Variants in GOT1 observed in about 807,000 individuals in gnomAD.
GOT1 encodes aspartate aminotransferase, cytoplasmic.
In GOT1, 25 loss-of-function variants were observed where a neutral mutation model predicts 48.2. That is an observed-to-expected ratio of 0.52 (90% CI 0.38 to 0.72). GOT1 has a LOEUF of 0.72. Ranked by LOEUF, GOT1 falls within the 30% of genes least tolerant of loss-of-function variation. The probability of loss-of-function intolerance (pLI) is 0.00; values close to 1 mark genes in which losing one functional copy is unlikely to be tolerated. For missense variants in GOT1, 380 were observed against 520.1 expected (o/e 0.73, Z 2.62); for synonymous variants, 188 against 193.8 (o/e 0.97, Z 0.25).
chr10:99,409,423 G>T (rs1342807035), intron 2 of GOT1, among the ~76,000 whole-genome samples: 5 of 152,096 alleles, frequency 3.3e-5, no homozygotes, highest in African/African-American at 1.2e-4. Flanking sequence ...GAGCCACCAC[G>T]CCTGGCCAAT....
At chr10:99,419,852 C>T (rs1486613427) in intron 2 of GOT1, among the ~76,000 whole-genome samples, 4 of 152,158 alleles carry the variant, frequency 2.6e-5, no homozygotes. Context: ...GTCTCCCTCC[C>T]CTCTGAATTC....
chr10:99,405,389 G>C (rs1473442973), intron 5 of GOT1, among the ~76,000 whole-genome samples: 6 of 152,026 alleles, frequency 3.9e-5, no homozygotes, highest in Admixed American at 2.6e-4. Context: ...ATATAATATA[G>C]CTATGAAAAA....
At chr10:99,423,938 G>C (rs2033004031) in intron 1 of GOT1, among the ~76,000 whole-genome samples, 1 of 151,970 alleles carries the variant, frequency 6.6e-6, no homozygotes, top group Non-Finnish European at 1.5e-5. Context: ...TTACAGGAGT[G>C]AGCCACCATG....
intron 5 of GOT1, 53 bp from the exon 6 acceptor site, chr10:99,403,927 A>G (rs2032719878): frequency 6.3e-7 from 1 of 1,581,472 alleles, no homozygotes; most frequent in African/African-American, 1.3e-5. Context: ...CACCAACCTC[A>G]GACACCGGCC....
intron 2 of GOT1, among the ~76,000 whole-genome samples, chr10:99,407,783 T>TTTTATTTATTTATTTA (rs10629267): frequency 2.7e-5 from 4 of 148,688 alleles, no homozygotes; most frequent in South Asian, 4.3e-4. Context: ...AAAAGCCATA[T>TTTTATTTATTTATTTA]TTTATTTATT....
At chr10:99,400,449 C>T (rs2032657675) in intron 8 of GOT1, among the ~76,000 whole-genome samples, 1 of 151,768 alleles carries the variant, frequency 6.6e-6, no homozygotes, top group Admixed American at 6.6e-5. Context: ...AGTTTGAGAC[C>T]AGCCTGAGCA....
intron 2 of GOT1, among the ~76,000 whole-genome samples, chr10:99,413,636 T>A (rs1258998430): frequency 6.6e-6 from 1 of 152,062 alleles, no homozygotes; most frequent in Non-Finnish European, 1.5e-5. Context: ...GACACATAAT[T>A]GTCAGATTCA....
intron 8 of GOT1, among the ~76,000 whole-genome samples, chr10:99,400,195 C>T (rs765697494): frequency 3.9e-5 from 6 of 152,240 alleles, no homozygotes; most frequent in Non-Finnish European, 7.3e-5. Context: ...AGGGGCTTCA[C>T]AGTTCTCCTA....
chr10:99,418,494 C>CTTTTTTTTTTTT (rs11394746), intron 2 of GOT1, among the ~76,000 whole-genome samples: 2 of 140,614 alleles, frequency 1.4e-5, no homozygotes, highest in Admixed American at 7.1e-5. Flanking sequence ...TCCCCACTTT[C>CTTTTTTTTTTTT]TTTTTTTTTT....
chr10:99,397,697 C>T lies in GOT1; in HGVS notation c.1103-11G>A. On this transcript the variant is annotated splice_polypyrimidine_tract_variant and intron_variant, in intron 8 of 8. Coordinates refer to ENST00000370508, the MANE Select transcript of GOT1 (RefSeq NM_002079.3). The surrounding 1 kb of genome is among the most constrained non-coding windows in gnomAD (Gnocchi z 5.4). ...ACTCAACCTGCTTGGCTGTTGAAAA[C>T]CAAAAGAAGACATAATCAGAGCAGA... 1 of 1,613,640 alleles carries T rather than the reference C, an allele frequency of 6.2e-7. No homozygotes were observed. The highest frequency in any genetic ancestry group is 1.1e-5 in the South Asian group (1 of 91,054).
chr10:99,407,701 G>A (rs1471590167), intron 2 of GOT1, among the ~76,000 whole-genome samples: 1 of 151,942 alleles, frequency 6.6e-6, no homozygotes, highest in Non-Finnish European at 1.5e-5. Context: ...CAAACTGCTG[G>A]GATTACAGGT....
At chr10:99,407,169 C>G (rs1206985598) in intron 2 of GOT1, among the ~76,000 whole-genome samples, 1 of 134,712 alleles carries the variant, frequency 7.4e-6, no homozygotes, top group African/African-American at 2.6e-5. Context: ...AGAGGACACA[C>G]CGAGGCCACA....
chr10:99,407,724 G>A lies in GOT1; in HGVS notation c.301-875C>T, dbSNP rs7899976. Among the ~76,000 whole-genome samples the A allele has an allele frequency of 4.6e-3, 693 of 151,946 alleles. 2 individuals carry two copies. Among genetic ancestry groups the A allele is most frequent in the Middle Eastern group, 0.034 (10 of 294 alleles). On this transcript the variant is annotated intron_variant, in intron 2 of 8. Transcript: ENST00000370508. ...TGGGATTACAGGTGTGAGCCACTGC[G>A]CCTGGCTGGCTTCCTCTCATCCTAA...
chr10:99,430,321 C>T, intron 1 of GOT1, 127 bp downstream of exon 1: 1 of 1,600,990 alleles, frequency 6.2e-7, no homozygotes, highest in Non-Finnish European at 8.5e-7. Context: ...GATCCAGCCT[C>T]CTCTCCGGCG....
chr10:99,408,340 C>A (rs2032788112), intron 2 of GOT1, among the ~76,000 whole-genome samples: 1 of 152,184 alleles, frequency 6.6e-6, no homozygotes, highest in Non-Finnish European at 1.5e-5. Flanking sequence ...CAGCATAAGT[C>A]TCTCAGCAGA....
intron 2 of GOT1, among the ~76,000 whole-genome samples, chr10:99,420,014 G>A (rs185053742): frequency 6.6e-6 from 1 of 152,304 alleles, no homozygotes; most frequent in East Asian, 1.9e-4. Context: ...ATCAACAGTA[G>A]AAGTATTAAA....
intron 8 of GOT1, among the ~76,000 whole-genome samples, chr10:99,400,203 C>CT (rs1463795136): frequency 6.6e-6 from 1 of 152,194 alleles, no homozygotes; most frequent in Non-Finnish European, 1.5e-5. Flanking sequence ...CACAGTTCTC[C>CT]TAAACGTACA....
chr10:99,423,634 T>G (rs968722913), intron 1 of GOT1, among the ~76,000 whole-genome samples: 3 of 152,020 alleles, frequency 2.0e-5, no homozygotes, highest in Non-Finnish European at 4.4e-5. Flanking sequence ...CCGGCTCTGG[T>G]GAATCTAACT....
chr10:99,406,365 C>A, intron 3 of GOT1, 116 bp from the exon 4 acceptor site: 1 of 738,544 alleles, frequency 1.4e-6, no homozygotes. Context: ...GGGCATCATC[C>A]AGGCTGGGGG....
Sources: allele counts gnomAD v4.1 joint callset (sites outside exome capture counted in the v4.1 genomes callset), GRCh38; gene constraint gnomAD v4.1.1; non-coding constraint Gnocchi (gnomAD v3.1); transcripts MANE v1.5; gene names NCBI Gene and HGNC (gene_info 2026-07-23, HGNC 2026-07-21).